The following PPP1R9A variants were observed in gnomAD, a reference collection of about 807,000 sequenced individuals.
PPP1R9A encodes protein phosphatase 1 regulatory subunit 9A.
Under a neutral mutation model 141.9 loss-of-function variants are expected in PPP1R9A, and 59 were observed. That is an observed-to-expected ratio of 0.42 (90% CI 0.34 to 0.52). The LOEUF is 0.52. Among genes scored for constraint, PPP1R9A ranks in the 20% least tolerant of loss-of-function variants. PPP1R9A has a pLI of 0.10. For synonymous variants in PPP1R9A, 500 were observed against 569.7 expected (o/e 0.88, Z 1.74); for missense variants, 1,444 against 1,611.9 (o/e 0.90, Z 1.78).
intron 9 of PPP1R9A, 143 bp downstream of exon 9, chr7:95,247,669 T>A: frequency 1.6e-6 from 1 of 618,936 alleles, no homozygotes; most frequent in East Asian, 3.0e-5. Context: ...GTCAGGTACG[T>A]AGACAAACCT....
intron 5 of PPP1R9A, among the ~76,000 whole-genome samples, chr7:95,164,985 T>G (rs1474976950): frequency 6.6e-6 from 1 of 152,008 alleles, no homozygotes; most frequent in Admixed American, 6.6e-5. Flanking sequence ...TTTGCCCCCT[T>G]CCCCCAAAAA....
At chr7:95,120,664 T>G in intron 3 of PPP1R9A, 48 bp from the exon 4 acceptor site, 1 of 1,597,808 alleles carries the variant, frequency 6.3e-7, no homozygotes, top group Non-Finnish European at 8.5e-7. Flanking sequence ...TGCAGACTAG[T>G]GTAAAACTTA....
chr7:95,217,924 C>T (rs1018971461), intron 7 of PPP1R9A, among the ~76,000 whole-genome samples: 1 of 152,120 alleles, frequency 6.6e-6, no homozygotes, highest in Non-Finnish European at 1.5e-5. Flanking sequence ...ACAACCAGCT[C>T]CTGGATTCAC....
intron 2 of PPP1R9A, among the ~76,000 whole-genome samples, chr7:94,944,109 T>C (rs1795627016): frequency 6.6e-6 from 1 of 152,136 alleles, no homozygotes; most frequent in African/African-American, 2.4e-5. Context: ...CAAATCAGGG[T>C]AACTGAGATA....
At chr7:95,251,535 C>G (rs181296734) in intron 10 of PPP1R9A, among the ~76,000 whole-genome samples, 1 of 152,090 alleles carries the variant, frequency 6.6e-6, no homozygotes, top group African/African-American at 2.4e-5. Context: ...TCAGGAGCTA[C>G]GAAAGAAAAT....
chr7:94,981,316 T>C (rs574898398), intron 2 of PPP1R9A, among the ~76,000 whole-genome samples: 6 of 152,178 alleles, frequency 3.9e-5, no homozygotes, highest in Non-Finnish European at 5.9e-5. Context: ...CTCGGCTCAC[T>C]GCAACCTCTG....
chr7:94,937,499 C>T lies in PPP1R9A; in HGVS notation c.1395+25991C>T, dbSNP rs139425460. Among the ~76,000 whole-genome samples the T allele has an allele frequency of 1.5e-4, 23 of 152,218 alleles. No individual in the cohort carries two copies. The East Asian group carries it at 4.1e-3, about 27-fold the overall frequency. ...TCTTCAATGTTGCAATAATTTTTTT[C>T]CCTAGTATAATTGGATCATAACATA... On this transcript the variant is annotated intron_variant, in intron 2 of 19. Coordinates refer to ENST00000433360, the MANE Select transcript of PPP1R9A (RefSeq NM_001166160.2).
At chr7:94,936,654 GTGT>G (rs201155486) in intron 2 of PPP1R9A, among the ~76,000 whole-genome samples, 50,219 of 122,572 alleles carry the variant, frequency 0.41, 8,877 homozygotes, top group South Asian at 0.56. Context: ...GTGTAGGGGT[GTGT>G]GTGTGTGTGT....
At chr7:95,235,068 C>T (rs530455230) in intron 8 of PPP1R9A, among the ~76,000 whole-genome samples, 5 of 152,004 alleles carry the variant, frequency 3.3e-5, no homozygotes, top group African/African-American at 4.8e-5. Context: ...AAATTCTAGA[C>T]GATAACATCA....
chr7:95,166,090 A>T (rs543464718), intron 5 of PPP1R9A, among the ~76,000 whole-genome samples: 1 of 150,850 alleles, frequency 6.6e-6, no homozygotes, highest in Non-Finnish European at 1.5e-5. Context: ...CAGAGGTTGC[A>T]GTGAGCCGAG....
At chr7:95,115,134 A>G (rs1000002604) in intron 3 of PPP1R9A, among the ~76,000 whole-genome samples, 2 of 152,158 alleles carry the variant, frequency 1.3e-5, no homozygotes, top group Non-Finnish European at 2.9e-5. Flanking sequence ...AATCCTTTTC[A>G]TTGAATACAT....
At chr7:95,248,963 TATA>T in intron 9 of PPP1R9A, among the ~76,000 whole-genome samples, 1 of 152,280 alleles carries the variant, frequency 6.6e-6, no homozygotes, top group Middle Eastern at 3.4e-3. Context: ...ATTGATAGTT[TATA>T]ATGACTTTGC....
chr7:95,259,846 CTG>C (rs1271391587), intron 12 of PPP1R9A, among the ~76,000 whole-genome samples: 2 of 152,120 alleles, frequency 1.3e-5, no homozygotes, highest in African/African-American at 4.8e-5. Context: ...TGCTGTCACA[CTG>C]TTTAGTTCTA....
At chr7:95,155,383 G>T (rs945197247) in intron 4 of PPP1R9A, 5 of 152,040 alleles carry the variant, frequency 3.3e-5, no homozygotes, top group African/African-American at 1.2e-4. Context: ...TAGAGATGAG[G>T]TCTCGCTATG....
At chr7:94,987,070 C>T (rs914721012) in intron 2 of PPP1R9A, among the ~76,000 whole-genome samples, 2 of 152,048 alleles carry the variant, frequency 1.3e-5, no homozygotes, top group Non-Finnish European at 2.9e-5. Flanking sequence ...AGTAAGAGAC[C>T]AGTGAAGTTT....
intron 12 of PPP1R9A, among the ~76,000 whole-genome samples, chr7:95,252,874 T>G (rs1158635276): frequency 6.6e-6 from 1 of 152,214 alleles, no homozygotes; most frequent in African/African-American, 2.4e-5. Context: ...GAAGTCCATA[T>G]AGTTTTGTGC....
intron 12 of PPP1R9A, among the ~76,000 whole-genome samples, chr7:95,256,173 T>G (rs1423188339): frequency 6.7e-6 from 1 of 149,840 alleles, no homozygotes; most frequent in African/African-American, 2.5e-5. Flanking sequence ...GCCTGAGTGA[T>G]AGAGCAAGAT....
At chr7:95,156,516 G>C (rs968541642) in intron 4 of PPP1R9A, 42 of 152,462 alleles carry the variant, frequency 2.8e-4, no homozygotes, top group African/African-American at 9.9e-4. Flanking sequence ...CTGCAACTAG[G>C]AAGCATGAGG....
At chr7:95,213,996 A>G (rs1321514436) in intron 7 of PPP1R9A, among the ~76,000 whole-genome samples, 3 of 152,054 alleles carry the variant, frequency 2.0e-5, no homozygotes, top group African/African-American at 7.2e-5. Context: ...TCCACTCACA[A>G]TCTGTGCAGT....
Sources: gnomAD v4.1 joint callset for allele counts (sites outside exome capture counted in the v4.1 genomes callset) on GRCh38, gnomAD v4.1.1 for gene constraint, MANE v1.5 for transcripts, NCBI Gene and HGNC (gene_info 2026-07-23, HGNC 2026-07-21) for gene names.